EYA2: variants seen among roughly 807,000 people sequenced by gnomAD.
The protein encoded by EYA2 is EYA transcriptional coactivator and phosphatase 2.
In EYA2, 31 loss-of-function variants were observed where a neutral mutation model predicts 69.2. That is an observed-to-expected ratio of 0.45 (90% CI 0.34 to 0.60). The LOEUF (loss-of-function observed/expected upper bound fraction) is 0.60, where lower values mean the gene tolerates loss of function less well. EYA2 is among the 20% of genes least tolerant of loss of function. EYA2 has a pLI of 0.02. For missense variants in EYA2, 622 were observed against 701.2 expected, an observed-to-expected ratio of 0.89 and a Z score of 1.28; for synonymous variants, 257 against 279.4, an observed-to-expected ratio of 0.92 and a Z score of 0.80.
intron 9 of EYA2, among the ~76,000 whole-genome samples, chr20:47,116,965 C>T (rs1288848789): frequency 2.0e-5 from 3 of 150,972 alleles, no homozygotes; most frequent in Non-Finnish European, 2.9e-5. Context: ...TCTCAGACCC[C>T]GCTGTAGACT....
chr20:47,156,077 CATATATATACAT>C (rs1278978298), intron 10 of EYA2, among the ~76,000 whole-genome samples: 72 of 79,662 alleles, frequency 9.0e-4, no homozygotes, highest in African/African-American at 3.8e-3. Context: ...CACACACACA[CATATATATACAT>C]ACACACACAC....
At chr20:47,166,528 T>C (rs1040844988) in intron 10 of EYA2, among the ~76,000 whole-genome samples, 2 of 150,278 alleles carry the variant, frequency 1.3e-5, no homozygotes, top group East Asian at 2.0e-4. Flanking sequence ...GTTCCAGAGA[T>C]GTTACAACCA....
At chr20:46,949,011 T>C (rs1322968388) in intron 1 of EYA2, among the ~76,000 whole-genome samples, 1 of 152,228 alleles carries the variant, frequency 6.6e-6, no homozygotes, top group East Asian at 1.9e-4. Context: ...TTACTCGCAT[T>C]GTACAGATGA....
chr20:47,074,115 A>C, intron 6 of EYA2, 43 bp from the exon 7 acceptor site: 1 of 1,519,440 alleles, frequency 6.6e-7, no homozygotes, highest in Non-Finnish European at 8.9e-7. Flanking sequence ...GAGCCCAGAA[A>C]GGCTTCCTCA....
intron 1 of EYA2, among the ~76,000 whole-genome samples, chr20:46,914,110 C>A (rs1268131151): frequency 1.3e-5 from 2 of 151,734 alleles, no homozygotes; most frequent in African/African-American, 4.9e-5. Flanking sequence ...ACCTAGGAGC[C>A]GAGACCTCTC....
At chr20:46,937,649 A>ATT (rs5841661) in intron 1 of EYA2, among the ~76,000 whole-genome samples, 5,548 of 128,320 alleles carry the variant, frequency 0.043, 261 homozygotes, top group African/African-American at 0.12. Context: ...TCATGCCTTG[A>ATT]TTTTTTTTTT....
At chr20:46,951,150 G>A (rs4809606) in intron 1 of EYA2, among the ~76,000 whole-genome samples, 62,860 of 152,054 alleles carry the variant, frequency 0.41, 13,611 homozygotes, top group Admixed American at 0.56. Context: ...CATCAGCCAC[G>A]CAGGGCACAG....
chr20:46,951,591 G>C (rs770849642), intron 1 of EYA2, among the ~76,000 whole-genome samples: 1 of 152,192 alleles, frequency 6.6e-6, no homozygotes, highest in Non-Finnish European at 1.5e-5. Flanking sequence ...ACCGGGCTAT[G>C]CACTTCTACA....
intron 9 of EYA2, among the ~76,000 whole-genome samples, chr20:47,127,897 A>G (rs2033240047): frequency 6.6e-6 from 1 of 152,260 alleles, no homozygotes; most frequent in African/African-American, 2.4e-5. Flanking sequence ...ACAGACAGCT[A>G]GCGTTGCTGA....
chr20:47,041,301 AT>A (rs1388458624), intron 5 of EYA2, among the ~76,000 whole-genome samples: 1 of 152,144 alleles, frequency 6.6e-6, no homozygotes, highest in Non-Finnish European at 1.5e-5. Flanking sequence ...ATCTTATGTT[AT>A]TTTGAATAGT....
chr20:47,182,412 GAA>G (rs1193209887), intron 14 of EYA2, among the ~76,000 whole-genome samples: 1 of 150,834 alleles, frequency 6.6e-6, no homozygotes, highest in African/African-American at 2.4e-5. Context: ...TGGACTGCCT[GAA>G]GTCAGGCAGT....
chr20:47,012,641 G>A (rs1242395052), intron 4 of EYA2, among the ~76,000 whole-genome samples: 3 of 152,132 alleles, frequency 2.0e-5, no homozygotes, highest in African/African-American at 4.8e-5. Flanking sequence ...TTAGAGGTGT[G>A]CACCACCACA....
chr20:47,185,968 C>T (rs1011248386), intron 15 of EYA2, among the ~76,000 whole-genome samples: 3 of 152,190 alleles, frequency 2.0e-5, no homozygotes, highest in African/African-American at 7.2e-5. Context: ...GCTCAACCTT[C>T]CTGGGGCCTT....
At chr20:47,121,215 C>T (rs1046772153) in intron 9 of EYA2, among the ~76,000 whole-genome samples, 2 of 152,072 alleles carry the variant, frequency 1.3e-5, no homozygotes, top group Non-Finnish European at 2.9e-5. Context: ...CCTCAGCCTG[C>T]GGAGTAGCTG....
intron 9 of EYA2, among the ~76,000 whole-genome samples, chr20:47,119,857 A>C (rs1301036376): frequency 6.6e-6 from 1 of 152,194 alleles, no homozygotes; most frequent in Non-Finnish European, 1.5e-5. Flanking sequence ...GCTTGAGCTT[A>C]GGAGTTTGAG....
At chr20:46,945,482 A>G (rs750655829) in intron 1 of EYA2, among the ~76,000 whole-genome samples, 12 of 152,206 alleles carry the variant, frequency 7.9e-5, no homozygotes, top group East Asian at 1.9e-4. Flanking sequence ...CTGGCCGCCT[A>G]TGGAGTTCCC....
intron 15 of EYA2, 131 bp downstream of exon 15, chr20:47,183,522 G>C (rs2034578524): frequency 1.4e-6 from 1 of 700,888 alleles, no homozygotes; most frequent in South Asian, 1.9e-5. Flanking sequence ...CTCCTTGCTT[G>C]CCAGTCCATT....
At position 46,937,077 on chromosome 20, in the gene EYA2, C is replaced by A. The variant is rs561315987; in HGVS notation, c.-11+42090C>A. Among the ~76,000 whole-genome samples the A allele has an allele frequency of 2.0e-5, 3 of 152,228 alleles. No individual in the cohort carries two copies. In the South Asian group the frequency reaches 6.2e-4, roughly 32 times the overall value. ...CTGTGAAGAAAGAGACAACACTGCT[C>A]TGAAGCAGTTTGACTGCAAAGTAAT... On this transcript the variant is annotated intron_variant, in intron 1 of 15. Transcript: ENST00000327619.
At chr20:46,950,493 A>T (rs1480035276) in intron 1 of EYA2, among the ~76,000 whole-genome samples, 1 of 152,200 alleles carries the variant, frequency 6.6e-6, no homozygotes, top group South Asian at 2.1e-4. Context: ...GTCACTCTGC[A>T]GCATCTGTTC....
Sources: allele counts gnomAD v4.1 joint callset (sites outside exome capture counted in the v4.1 genomes callset), GRCh38; gene constraint gnomAD v4.1.1; transcripts MANE v1.5; gene names NCBI Gene and HGNC (gene_info 2026-07-23, HGNC 2026-07-21).